The following GPR158 variants were observed in gnomAD, a reference collection of about 807,000 sequenced individuals.
The protein encoded by GPR158 is metabotropic glycine receptor.
In GPR158, 30 loss-of-function variants were observed where a neutral mutation model predicts 78.2. The ratio of observed to expected loss-of-function variants is 0.38; its 90% CI spans 0.29 to 0.52. The LOEUF (loss-of-function observed/expected upper bound fraction) is 0.52, where lower values mean the gene tolerates loss of function less well. Among genes scored for constraint, GPR158 ranks in the 20% least tolerant of loss-of-function variants. GPR158 has a pLI of 0.83. For missense variants in GPR158, 1,463 were observed against 1,523.5 expected (o/e 0.96, Z 0.66); for synonymous variants, 581 against 591.1 (o/e 0.98, Z 0.25).
intron 2 of GPR158, among the ~76,000 whole-genome samples, chr10:25,285,908 T>C (rs182987941): frequency 3.9e-4 from 59 of 152,240 alleles, no homozygotes; most frequent in African/African-American, 1.4e-3. Context: ...TATAAAATTC[T>C]GGGTTGACGT....
intron 2 of GPR158, among the ~76,000 whole-genome samples, chr10:25,281,262 C>T (rs1432954091): frequency 6.6e-6 from 1 of 151,232 alleles, no homozygotes; most frequent in East Asian, 2.0e-4. Context: ...AATCAAAATT[C>T]AAATGAAAAA....
chr10:25,184,227 C>A (rs763453803), intron 1 of GPR158, among the ~76,000 whole-genome samples: 1 of 152,094 alleles, frequency 6.6e-6, no homozygotes, highest in Non-Finnish European at 1.5e-5. Context: ...GAGACAGGGT[C>A]CCACTCTGTT....
At chr10:25,253,277 C>A (rs572813660) in intron 2 of GPR158, among the ~76,000 whole-genome samples, 2 of 152,204 alleles carry the variant, frequency 1.3e-5, no homozygotes, top group Non-Finnish European at 2.9e-5. Context: ...CGGTCTTCTG[C>A]GTCGGTCACG....
intron 5 of GPR158, among the ~76,000 whole-genome samples, chr10:25,530,715 G>A (rs1234358621): frequency 3.3e-5 from 5 of 152,196 alleles, no homozygotes; most frequent in African/African-American, 1.2e-4. Context: ...AACCAATTTT[G>A]ATGCAATAAG....
chr10:25,386,658 T>C (rs534231547), intron 2 of GPR158, among the ~76,000 whole-genome samples: 143 of 152,328 alleles, frequency 9.4e-4, no homozygotes, highest in African/African-American at 3.4e-3. Flanking sequence ...AGTATACTTC[T>C]TTCACCTTCT....
At chr10:25,331,665 A>G (rs1855125560) in intron 2 of GPR158, among the ~76,000 whole-genome samples, 2 of 152,176 alleles carry the variant, frequency 1.3e-5, no homozygotes, top group Admixed American at 6.5e-5. Flanking sequence ...ACCGCTGCCT[A>G]TGGCTTTCAT....
chr10:25,480,516 G>A (rs1450277257), intron 5 of GPR158, among the ~76,000 whole-genome samples: 2 of 150,714 alleles, frequency 1.3e-5, no homozygotes, highest in Non-Finnish European at 3.0e-5. Flanking sequence ...CCCAGCCTTT[G>A]AACATCTGTT....
At chr10:25,373,554 A>G (rs1327003799) in intron 2 of GPR158, among the ~76,000 whole-genome samples, 1 of 151,824 alleles carries the variant, frequency 6.6e-6, no homozygotes, top group African/African-American at 2.4e-5. Flanking sequence ...TAGTATATGA[A>G]TTTAGGGCGA....
intron 9 of GPR158, 97 bp from the exon 10 acceptor site, chr10:25,596,546 T>C: frequency 1.1e-5 from 9 of 783,408 alleles, no homozygotes; most frequent in Non-Finnish European, 1.9e-5. Flanking sequence ...GGTATAGATA[T>C]AGATACCTAT....
intron 2 of GPR158, among the ~76,000 whole-genome samples, chr10:25,344,534 A>C (rs1362995658): frequency 2.0e-5 from 3 of 152,108 alleles, no homozygotes; most frequent in African/African-American, 7.2e-5. Context: ...TATAGAATCT[A>C]AGGCCCTATC....
chr10:25,522,145 C>T (rs1218064264), intron 5 of GPR158, among the ~76,000 whole-genome samples: 1 of 152,194 alleles, frequency 6.6e-6, no homozygotes, highest in Non-Finnish European at 1.5e-5. Context: ...CTTTTGGGGT[C>T]TCAGCTTCTT....
At chr10:25,535,756 C>T (rs1412655626) in intron 5 of GPR158, among the ~76,000 whole-genome samples, 1 of 152,202 alleles carries the variant, frequency 6.6e-6, no homozygotes, top group Non-Finnish European at 1.5e-5. Context: ...TTCGACAAAG[C>T]TCAGTTTGCC....
chr10:25,411,962 AAAAAAAAAGACTT>A lies in GPR158; in HGVS notation c.1112-286_1112-274del, dbSNP rs1834592426. 7.6e-5 allele frequency among the ~76,000 whole-genome samples: 11 copies of A among 145,118 alleles called. No homozygotes were observed. The South Asian group carries it at 2.2e-3, about 29-fold the overall frequency. On this transcript the variant is annotated intron_variant, in intron 3 of 10. Transcript: ENST00000376351. ...AAAAAAAAAAAAAAAAAAAAAAAAA[AAAAAAAAAGACTT>A]AGAAAACTGTTCCCTGCCCTCATGA...
chr10:25,442,271 T>C (rs1835078256), intron 4 of GPR158, among the ~76,000 whole-genome samples: 1 of 152,110 alleles, frequency 6.6e-6, no homozygotes, highest in South Asian at 2.1e-4. Context: ...TGAAACTAAA[T>C]GAGCAGTTAA....
rs548077452 is a variant in GPR158, at chr10:25,508,103, T to C, written c.1404+41384T>C. 2.0e-5 allele frequency among the ~76,000 whole-genome samples: 3 copies of C among 152,368 alleles called. No homozygotes were observed. The South Asian group carries it at 6.2e-4, about 32-fold the overall frequency. On this transcript the variant is annotated intron_variant, in intron 5 of 10. Transcript: ENST00000376351. Reference sequence around the variant, plus strand: ...TTTTGTGTGTGTTTGGTTTCCAACTTCATCATAATTTTTAGAATTAGATGC... The same window carrying C: ...TTTTGTGTGTGTTTGGTTTCCAACTCCATCATAATTTTTAGAATTAGATGC...
chr10:25,589,194 G>T, intron 8 of GPR158, 49 bp downstream of exon 8: 1 of 1,382,020 alleles, frequency 7.2e-7, no homozygotes, highest in Non-Finnish European at 9.9e-7. Flanking sequence ...TTTCTGATGT[G>T]TTGCTGTTTA....
chr10:25,284,118 A>T (rs1482003265), intron 2 of GPR158, among the ~76,000 whole-genome samples: 1 of 152,084 alleles, frequency 6.6e-6, no homozygotes, highest in Non-Finnish European at 1.5e-5. Flanking sequence ...TATGAATGAC[A>T]AGTGGATCAA....
chr10:25,271,999 G>A (rs554439995), intron 2 of GPR158, among the ~76,000 whole-genome samples: 1 of 152,116 alleles, frequency 6.6e-6, no homozygotes, highest in Non-Finnish European at 1.5e-5. Flanking sequence ...GCCTTTGATT[G>A]GTTCTTTGGT....
At chr10:25,463,559 T>A (rs1028792995) in intron 4 of GPR158, among the ~76,000 whole-genome samples, 4 of 152,168 alleles carry the variant, frequency 2.6e-5, no homozygotes, top group African/African-American at 7.2e-5. Context: ...TCAATTAAGA[T>A]TTTTTATAAG....
Sources: gnomAD v4.1 joint callset for allele counts (sites outside exome capture counted in the v4.1 genomes callset) on GRCh38, gnomAD v4.1.1 for gene constraint, MANE v1.5 for transcripts, NCBI Gene and HGNC (gene_info 2026-07-23, HGNC 2026-07-21) for gene names.